PPM1L: variants seen among roughly 807,000 people sequenced by gnomAD.
PPM1L encodes the protein protein phosphatase, Mg2+/Mn2+ dependent 1L, also known as protein phosphatase 1L.
In PPM1L, 13 loss-of-function variants were observed where a neutral mutation model predicts 31.4. The ratio of observed to expected loss-of-function variants is 0.41; its 90% CI spans 0.27 to 0.66. The LOEUF is 0.66. Ranked by LOEUF, PPM1L falls within the 30% of genes least tolerant of loss-of-function variation. PPM1L has a pLI of 0.29. For synonymous variants in PPM1L, 184 were observed against 175.4 expected (o/e 1.05, Z -0.39); for missense variants, 326 against 453.7 (o/e 0.72, Z 2.56).
intron 1 of PPM1L, among the ~76,000 whole-genome samples, chr3:160,878,053 A>G (rs1228455647): frequency 6.6e-6 from 1 of 152,178 alleles, no homozygotes; most frequent in African/African-American, 2.4e-5. Flanking sequence ...TTAAAAGGGA[A>G]ACCTTATCGA....
chr3:160,881,955 G>A lies in PPM1L; in HGVS notation c.400-79781G>A, dbSNP rs574769102. 2.0e-5 allele frequency among the ~76,000 whole-genome samples: 3 copies of A among 152,092 alleles called. No individual in the cohort carries two copies. In the East Asian group the frequency reaches 5.8e-4, roughly 29 times the overall value. On this transcript the variant is annotated intron_variant, in intron 1 of 3. Transcript: ENST00000498165. ...AATCCCAGCTACTAGGGAGGCTGAGGCAGGAGAATGGTGTGAACTCGGGAA... is the reference window on the plus strand; with the variant it reads ...AATCCCAGCTACTAGGGAGGCTGAGACAGGAGAATGGTGTGAACTCGGGAA...
chr3:160,767,271 C>A (rs554655768), intron 1 of PPM1L, among the ~76,000 whole-genome samples: 2 of 151,270 alleles, frequency 1.3e-5, no homozygotes, highest in African/African-American at 4.9e-5. Flanking sequence ...TATTACTCTG[C>A]CATCCAGGCT....
intron 2 of PPM1L, among the ~76,000 whole-genome samples, chr3:160,978,491 G>T (rs1293558874): frequency 1.3e-5 from 2 of 152,160 alleles, no homozygotes; most frequent in African/African-American, 4.8e-5. Context: ...CATAGCAAAT[G>T]CATGTGAGCC....
At chr3:160,855,353 A>G (rs1196558145) in intron 1 of PPM1L, among the ~76,000 whole-genome samples, 1 of 152,224 alleles carries the variant, frequency 6.6e-6, no homozygotes. Flanking sequence ...AGTAATTGCA[A>G]CAAAAAGAAA....
At chr3:160,792,920 G>A (rs1446890894) in intron 1 of PPM1L, among the ~76,000 whole-genome samples, 1 of 152,196 alleles carries the variant, frequency 6.6e-6, no homozygotes, top group Non-Finnish European at 1.5e-5. Context: ...GATTACCAAC[G>A]AGCACAGCTC....
At chr3:160,929,735 C>T (rs1714722275) in intron 1 of PPM1L, among the ~76,000 whole-genome samples, 1 of 152,196 alleles carries the variant, frequency 6.6e-6, no homozygotes, top group African/African-American at 2.4e-5. Context: ...CCAGGCAGTC[C>T]TCTGGCAGGA....
intron 1 of PPM1L, among the ~76,000 whole-genome samples, chr3:160,944,970 T>TATAACA (rs1559897491): frequency 1.4e-5 from 1 of 69,628 alleles, no homozygotes; most frequent in African/African-American, 4.6e-5. Flanking sequence ...ATAACATATA[T>TATAACA]TATATATAAC....
intron 1 of PPM1L, among the ~76,000 whole-genome samples, chr3:160,879,564 A>T (rs1246971710): frequency 6.6e-6 from 1 of 152,206 alleles, no homozygotes; most frequent in Admixed American, 6.5e-5. Context: ...TTTTTGTCCC[A>T]AAGGATCCTG....
intron 3 of PPM1L, among the ~76,000 whole-genome samples, chr3:161,067,395 G>A (rs1027055217): frequency 6.6e-5 from 10 of 152,204 alleles, no homozygotes; most frequent in Admixed American, 6.5e-4. Flanking sequence ...ATCTTCATGT[G>A]TGTTTTCTCT....
At position 161,071,816 on chromosome 3, in the gene PPM1L, G is replaced by C. The variant is rs906405115; in HGVS notation, c.*2659G>C. 3 of 152,204 alleles carry C rather than the reference G, an allele frequency of 2.0e-5. No homozygotes were observed. The highest frequency in any genetic ancestry group is 2.0e-4 in the Admixed American group (3 of 15,282). 9.4% of individuals were successfully genotyped at this position (152,204 alleles called of 1,614,324 possible). On this transcript the variant is annotated 3_prime_UTR_variant, in exon 4 of 4. Coordinates refer to ENST00000498165, the MANE Select transcript of PPM1L (RefSeq NM_139245.4). ...CACTGGCTGCTCCCCAGGGACCTGG[G>C]AATGCTGAATCTAGCCATTAGGGAA...
rs1719825658 is a variant in PPM1L at position 161,068,922 on chromosome 3, A to G, written c.848A>G (p.Asp283Gly). The G allele has an allele frequency of 1.2e-6, 2 of 1,614,080 alleles. No individual in the cohort carries two copies. The highest frequency in any genetic ancestry group is 1.3e-5 in the African/African-American group (1 of 74,940). ...KNLNVVIPDP[D>G]ILTFDLDKLQ... ...CTCAACGTGGTCATCCCAGACCCAG[A>G]CATCCTGACCTTTGACCTGGACAAG... is the stretch of plus-strand genomic sequence containing the variant. The change falls in exon 4 of 4, where the codon GAC becomes GGC. Residue 283 changes from aspartate (D) to glycine (G), a missense_variant. Coordinates refer to ENST00000498165, the MANE Select transcript of PPM1L (RefSeq NM_139245.4).
At chr3:160,928,842 G>T (rs1318323108) in intron 1 of PPM1L, among the ~76,000 whole-genome samples, 1 of 152,098 alleles carries the variant, frequency 6.6e-6, no homozygotes, top group Non-Finnish European at 1.5e-5. Flanking sequence ...TCGATGTTGG[G>T]CCTCCCAGTT....
At chr3:160,895,606 T>C (rs1713310930) in intron 1 of PPM1L, among the ~76,000 whole-genome samples, 1 of 152,164 alleles carries the variant, frequency 6.6e-6, no homozygotes, top group African/African-American at 2.4e-5. Context: ...CTATTTTGTG[T>C]CTTGGAATGT....
chr3:160,896,639 G>T (rs1231232928), intron 1 of PPM1L, among the ~76,000 whole-genome samples: 1 of 152,130 alleles, frequency 6.6e-6, no homozygotes. Context: ...TTCATGTTTT[G>T]TTTTCCAGTA....
Position 160,869,638 on chromosome 3 carries a change from T to C in PPM1L, c.400-92098T>C, listed in dbSNP as rs138163157. On this transcript the variant is annotated intron_variant, in intron 1 of 3. Transcript: ENST00000498165. ...ATGACATATATTGATTTCAGAGATG[T>C]TAAAATGTGAAAAAACAAAGTCTTA... Among the ~76,000 whole-genome samples the C allele has an allele frequency of 7.8e-4, 119 of 151,650 alleles. 1 individual carries two copies. The East Asian group carries it at 0.012, about 15-fold the overall frequency.
chr3:160,781,413 G>C (rs1711744429), intron 1 of PPM1L, among the ~76,000 whole-genome samples: 1 of 152,040 alleles, frequency 6.6e-6, no homozygotes, highest in Admixed American at 6.6e-5. Flanking sequence ...CGCCAAATAG[G>C]TGAGGTGTTC....
intron 2 of PPM1L, among the ~76,000 whole-genome samples, chr3:161,020,381 C>T (rs1182322112): frequency 6.6e-6 from 1 of 152,044 alleles, no homozygotes; most frequent in East Asian, 1.9e-4. Context: ...AAAATAACAG[C>T]TTTACTTCTA....
At chr3:161,001,376 G>A (rs564977269) in intron 2 of PPM1L, among the ~76,000 whole-genome samples, 7 of 152,096 alleles carry the variant, frequency 4.6e-5, no homozygotes, top group South Asian at 2.1e-4. Flanking sequence ...CCACCTTCCC[G>A]GGTTCACGTG....
chr3:160,989,852 A>G (rs1002738717), intron 2 of PPM1L, among the ~76,000 whole-genome samples: 1 of 151,580 alleles, frequency 6.6e-6, no homozygotes, highest in African/African-American at 2.4e-5. Flanking sequence ...TTTTGTACAG[A>G]CAGGGTATAT....
Sources: allele counts gnomAD v4.1 joint callset (sites outside exome capture counted in the v4.1 genomes callset), GRCh38; gene constraint gnomAD v4.1.1; transcripts MANE v1.5; gene names NCBI Gene and HGNC (gene_info 2026-07-23, HGNC 2026-07-21).